The following DHDDS variants were observed in gnomAD, a reference collection of about 807,000 sequenced individuals.
The protein encoded by DHDDS is dehydrodolichyl diphosphate synthase subunit.
In DHDDS, 16 loss-of-function variants were observed where a neutral mutation model predicts 46.2. That is an observed-to-expected ratio of 0.35 (90% CI 0.23 to 0.53). DHDDS has a LOEUF of 0.53. DHDDS is among the 20% of genes least tolerant of loss of function. The pLI, the probability that DHDDS is intolerant of heterozygous loss-of-function variation, is 0.94. For synonymous variants in DHDDS, 151 were observed against 163.1 expected (o/e 0.93, Z 0.56); for missense variants, 340 against 423.7 (o/e 0.80, Z 1.73).
chr1:26,439,984 C>G (rs1417944907), intron 3 of DHDDS, among the ~76,000 whole-genome samples: 1 of 147,102 alleles, frequency 6.8e-6, no homozygotes, highest in African/African-American at 2.7e-5. Flanking sequence ...ATTAAAAATA[C>G]AAAAAGTTAG....
intron 8 of DHDDS, 84 bp from the exon 9 acceptor site, chr1:26,468,811 G>GGCCCCCCCCCCCCCCCCC: frequency 3.1e-6 from 2 of 637,986 alleles, no homozygotes; most frequent in Non-Finnish European, 5.2e-6. Context: ...CCCACCCTGT[G>GGCCCCCCCCCCCCCCCCC]CCCCACCCCC....
At chr1:26,454,036 C>T (rs2124469095) in intron 6 of DHDDS, among the ~76,000 whole-genome samples, 1 of 152,174 alleles carries the variant, frequency 6.6e-6, no homozygotes, top group African/African-American at 2.4e-5. Flanking sequence ...TCACTACAAG[C>T]TCCGCCTCCC....
intron 8 of DHDDS, chr1:26,462,773 G>A (rs1211913653): frequency 6.6e-6 from 1 of 152,170 alleles, no homozygotes; most frequent in Admixed American, 6.6e-5. Context: ...CATTCCATAA[G>A]TATTTATTGA....
chr1:26,454,692 G>T, intron 6 of DHDDS: 1 of 1,575,860 alleles, frequency 6.3e-7, no homozygotes, highest in Non-Finnish European at 8.6e-7. Context: ...ATTTTCTTCT[G>T]GGCAACCTCC....
chr1:26,469,117 A>C lies in DHDDS; in HGVS notation c.988A>C (p.Thr330Pro). The C allele has an allele frequency of 6.2e-7, 1 of 1,612,094 alleles. No individual in the cohort carries two copies. Among genetic ancestry groups the C allele is most frequent in the Non-Finnish European group, 8.5e-7 (1 of 1,180,028 alleles). The change falls in exon 9 of 9, where the codon ACT (threonine) becomes CCT (proline). Residue 330 changes from threonine (T) to proline (P), a missense_variant. By Grantham distance (38) the Thr-to-Pro change is conservative. Around this residue, in one of 2 missense-constraint regions of DHDDS, gnomAD observed 268 missense variants for 300.3 expected, o/e 0.89. Transcript: ENST00000236342. ...AGCTGACTGGCTGGCCCGTCTGGGC[A>C]CTGCATCAGCCTGAATGAGGCTGGC... ...KRADWLARLG[T>P]ASA
At chr1:26,445,654 C>T (rs536913685) in intron 4 of DHDDS, among the ~76,000 whole-genome samples, 2 of 151,580 alleles carry the variant, frequency 1.3e-5, no homozygotes, top group South Asian at 2.1e-4. Flanking sequence ...TGGAAGTTAA[C>T]ACTGAACCAT....
Position 26,470,954 on chromosome 1 carries a change from T to A in DHDDS, c.*1823T>A, listed in dbSNP as rs985081082. 1 of 152,340 alleles carries A rather than the reference T, an allele frequency of 6.6e-6. No homozygotes were observed. Among genetic ancestry groups the A allele is most frequent in the Non-Finnish European group, 1.5e-5 (1 of 68,108 alleles). The allele number at this position is 152,340 out of a possible 1,614,324, so 9.4% of individuals were successfully genotyped here. The stretch of plus-strand genomic sequence containing the variant: ...TTTCCGTAATATGATTGGGGTACAG[T>A]AGAGGTGATTAATGGGGCTGGCATC... On this transcript the variant is annotated 3_prime_UTR_variant, in exon 9 of 9. Transcript: ENST00000236342.
At chr1:26,440,208 G>A (rs752341376) in intron 3 of DHDDS, among the ~76,000 whole-genome samples, 2 of 152,192 alleles carry the variant, frequency 1.3e-5, no homozygotes, top group Non-Finnish European at 2.9e-5. Context: ...CCTAGCACAG[G>A]GACACAGTTT....
In DHDDS at chr1:26,442,769, G is replaced by A. The variant is rs771438629; in HGVS notation, c.219G>A (p.Val73=). 3.1e-6 allele frequency: 5 copies of A among 1,614,014 alleles called. No homozygotes were observed. In the African/African-American group the frequency reaches 6.7e-5, roughly 22 times the overall value. Residue 73 remains valine (V), a synonymous_variant, in exon 4 of 9, where the codon GTG becomes GTA. Transcript: ENST00000236342. ...GTTTGAACCTGGGCATCCTAGAGGT[G>A]ACAGTCTACGCATTCAGCATTGAGA... The part of the protein sequence containing the change: ...RWCLNLGILE[V]TVYAFSIENF...
At chr1:26,434,867 G>C (rs1483131881) in intron 2 of DHDDS, among the ~76,000 whole-genome samples, 1 of 148,358 alleles carries the variant, frequency 6.7e-6, no homozygotes, top group Non-Finnish European at 1.5e-5. Flanking sequence ...CACCATGTTG[G>C]CCAGGCTGGT....
At chr1:26,439,741 C>G (rs2075199104) in intron 3 of DHDDS, among the ~76,000 whole-genome samples, 1 of 152,128 alleles carries the variant, frequency 6.6e-6, no homozygotes, top group South Asian at 2.1e-4. Context: ...CAGGACATCA[C>G]TCTACACAGA....
chr1:26,463,753 G>A (rs889357636), intron 8 of DHDDS, among the ~76,000 whole-genome samples: 4 of 151,836 alleles, frequency 2.6e-5, no homozygotes, highest in Admixed American at 6.6e-5. Flanking sequence ...TGATCTGCCC[G>A]CCTCGGCCTC....
chr1:26,468,952 G>A lies in DHDDS; in HGVS notation c.823G>A (p.Ala275Thr). 2 of 1,614,158 alleles carry A rather than the reference G, an allele frequency of 1.2e-6. No homozygotes were observed. Among genetic ancestry groups the A allele is most frequent in the Non-Finnish European group, 1.7e-6 (2 of 1,180,030 alleles). Residue 275 changes from alanine (A) to threonine (T), a missense_variant, in exon 9 of 9, where the codon GCT becomes ACT. This residue lies in a region of DHDDS where 268 missense variants were observed against 300.3 expected (regional missense o/e 0.89). Coordinates refer to ENST00000236342, the MANE Select transcript of DHDDS (RefSeq NM_205861.3). ...GAGGCAGCAGCTGGAGAGGGACCAG[G>A]CTACAGTGACAGAGCAGCTGCTGCG... The part of the protein sequence containing the change: ...RKRQQLERDQ[A>T]TVTEQLLREG...
intron 8 of DHDDS, 115 bp from the exon 9 acceptor site, chr1:26,468,780 C>A: frequency 7.1e-7 from 1 of 1,415,430 alleles, no homozygotes; most frequent in Non-Finnish European, 9.7e-7. Context: ...TACCTACTTT[C>A]CACTGTTCCA....
Position 26,470,763 on chromosome 1 carries a change from A to C in DHDDS, c.*1632A>C, listed in dbSNP as rs1186103629. On this transcript the variant is annotated 3_prime_UTR_variant, in exon 9 of 9. Coordinates refer to ENST00000236342, the MANE Select transcript of DHDDS (RefSeq NM_205861.3). ...GGTTCCTGGAGAGCAGGTGCTGTAC[A>C]TTTTACAGCTTTACAATGGGGCTGT... is the stretch of plus-strand genomic sequence containing the variant. 1 of 152,526 alleles carries C rather than the reference A, an allele frequency of 6.6e-6. No homozygotes were observed. Among genetic ancestry groups the C allele is most frequent in the Non-Finnish European group, 1.5e-5 (1 of 68,038 alleles). 9.4% of individuals were successfully genotyped at this position (152,526 alleles called of 1,614,324 possible). A position where few individuals can be genotyped will look rare whatever the true frequency, so the allele number is the denominator to read the frequency against.
At chr1:26,442,673 C>T (rs767816383) in intron 3 of DHDDS, 58 bp from the exon 4 acceptor site, 1 of 1,609,216 alleles carries the variant, frequency 6.2e-7, no homozygotes, top group Non-Finnish European at 8.5e-7. Context: ...AAAAGTATCT[C>T]TTATTTCCCC....
At chr1:26,467,188 C>G (rs147473023) in intron 8 of DHDDS, 8 of 374,084 alleles carry the variant, frequency 2.1e-5, no homozygotes, top group Admixed American at 6.4e-5. Context: ...TATTTTGCAT[C>G]GTGGCACTCT....
intron 2 of DHDDS, 121 bp from the exon 3 acceptor site, chr1:26,438,047 C>A (rs2075178804): frequency 1.0e-6 from 1 of 969,390 alleles, no homozygotes; most frequent in Non-Finnish European, 1.7e-6. Context: ...GCACAAAGTA[C>A]CCAATTCCCT....
chr1:26,442,913 C>A (rs1405014395), intron 4 of DHDDS, 40 bp downstream of exon 4: 1 of 1,613,136 alleles, frequency 6.2e-7, no homozygotes, highest in South Asian at 1.1e-5. Context: ...TCTTCCACCA[C>A]CCCCAGCCTT....
Sources: gnomAD v4.1 joint callset for allele counts (sites outside exome capture counted in the v4.1 genomes callset) on GRCh38, gnomAD v4.1.1 for gene constraint, gnomAD v4.1.1 regional missense constraint, MANE v1.5 for transcripts, NCBI Gene and HGNC (gene_info 2026-07-23, HGNC 2026-07-21) for gene names.